The following CFAP57 variants were observed in gnomAD, a reference collection of about 807,000 sequenced individuals.
CFAP57 encodes the protein cilia- and flagella-associated protein 57.
In CFAP57, 116 loss-of-function variants were observed where a neutral mutation model predicts 146.8. That is an observed-to-expected ratio of 0.79 (90% CI 0.68 to 0.92). The LOEUF (loss-of-function observed/expected upper bound fraction) is 0.92, where lower values mean the gene tolerates loss of function less well. Among genes scored for constraint, CFAP57 ranks in the 40% least tolerant of loss-of-function variants. The pLI is 0.00. For synonymous variants in CFAP57, 518 were observed against 552.8 expected (o/e 0.94, Z 0.88); for missense variants, 1,377 against 1,527.2 (o/e 0.90, Z 1.64).
intron 11 of CFAP57, among the ~76,000 whole-genome samples, chr1:43,214,569 G>T (rs1644762398): frequency 6.6e-6 from 1 of 152,166 alleles, no homozygotes; most frequent in South Asian, 2.1e-4. Context: ...AAATAAAGCT[G>T]CTGTGACCAA....
At chr1:43,232,829 GACT>G (rs1645527324) in intron 19 of CFAP57, among the ~76,000 whole-genome samples, 1 of 152,218 alleles carries the variant, frequency 6.6e-6, no homozygotes, top group African/African-American at 2.4e-5. Context: ...ACTATAAAAT[GACT>G]TTGGGTAAGT....
chr1:43,209,807 G>A lies in CFAP57; in HGVS notation c.1820G>A (p.Arg607His), dbSNP rs200705222. The A allele has an allele frequency of 3.3e-4, 531 of 1,614,180 alleles. 1 individual carries two copies. Among genetic ancestry groups the A allele is most frequent in the Non-Finnish European group, 4.2e-4 (490 of 1,180,042 alleles). ...GCCATTGTCATCTCGCATTCTGGAC[G>A]CATGATGTTTGTGGGCACCTCGGTG... Reference protein sequence around the residue: ...YTAIVISHSGRMMFVGTSVGT... With the variant: ...YTAIVISHSGHMMFVGTSVGT... Residue 607 changes from arginine (R) to histidine (H), a missense_variant, in exon 11 of 23, where the codon CGC (arginine) becomes CAC (histidine). Transcript: ENST00000372492.
Position 43,221,428 on chromosome 1 carries a change from C to A in CFAP57, c.2304C>A (p.Asp768Glu). The A allele has an allele frequency of 6.5e-7, 1 of 1,540,528 alleles. No homozygotes were observed. ...TTTATCACCATGAGCACATAGAAGA[C>A]CTCCTAGACAAGCAAAGCCGGGAAC... ...QDVYHHEHIE[D>E]LLDKQSRELQ... Residue 768 changes from aspartate (D) to glutamate (E), a missense_variant, in exon 14 of 23, where the codon GAC becomes GAA. Asp to Glu is a conservative substitution (Grantham distance 45). Coordinates refer to ENST00000372492, the MANE Select transcript of CFAP57 (RefSeq NM_001378189.1).
chr1:43,198,787 G>C, intron 8 of CFAP57, 141 bp downstream of exon 8: 1 of 838,176 alleles, frequency 1.2e-6, no homozygotes, highest in Non-Finnish European at 1.9e-6. Context: ...GGGGAAGGAG[G>C]AAATCCAGTT....
intron 15 of CFAP57, 35 bp downstream of exon 15, chr1:43,222,330 A>G: frequency 2.2e-6 from 3 of 1,389,308 alleles, no homozygotes; most frequent in East Asian, 2.7e-5. Context: ...CCTCCCTTTC[A>G]CAGAGAAAAG....
chr1:43,190,294 G>A (rs1479418261), intron 6 of CFAP57, among the ~76,000 whole-genome samples: 26 of 134,202 alleles, frequency 1.9e-4, no homozygotes, highest in South Asian at 7.4e-4. Flanking sequence ...TTTTTGAGAC[G>A]GAGTCTCGCT....
intron 18 of CFAP57, among the ~76,000 whole-genome samples, chr1:43,229,893 T>TG (rs1164286455): frequency 2.6e-5 from 4 of 152,142 alleles, no homozygotes; most frequent in East Asian, 1.9e-4. Flanking sequence ...AGAGGTCCCC[T>TG]GGGGGGTGCA....
chr1:43,181,102 C>T (rs1056919981), intron 2 of CFAP57, among the ~76,000 whole-genome samples: 1 of 151,952 alleles, frequency 6.6e-6, no homozygotes, highest in African/African-American at 2.4e-5. Flanking sequence ...GGGACAGTCT[C>T]GCTCTGTCTC....
In CFAP57 at chr1:43,172,914, A is replaced by G. The variant is rs1353599265; in HGVS notation, c.157+4A>G. On this transcript the variant is annotated splice_donor_region_variant and intron_variant, in intron 2 of 22. Coordinates refer to ENST00000372492, the MANE Select transcript of CFAP57 (RefSeq NM_001378189.1). ...AAATGGCAAAAATTCATTCCAGGTA[A>G]AACTTTTTCCATCCTGACATATACA... The G allele has an allele frequency of 6.2e-7, 1 of 1,613,478 alleles. No homozygotes were observed. Among genetic ancestry groups the G allele is most frequent in the Non-Finnish European group, 8.5e-7 (1 of 1,179,594 alleles).
chr1:43,202,149 A>G (rs1188576981), intron 9 of CFAP57, among the ~76,000 whole-genome samples: 3 of 152,252 alleles, frequency 2.0e-5, no homozygotes, highest in Non-Finnish European at 4.4e-5. Flanking sequence ...ATACAGATAC[A>G]GGATGCAGCT....
intron 9 of CFAP57, among the ~76,000 whole-genome samples, chr1:43,203,852 T>C (rs1644240207): frequency 6.6e-6 from 1 of 152,252 alleles, no homozygotes; most frequent in African/African-American, 2.4e-5. Context: ...TTGGAGTTTA[T>C]TGTACTTCTT....
intron 9 of CFAP57, 109 bp downstream of exon 9, chr1:43,199,612 T>C (rs1376427870): frequency 3.1e-6 from 3 of 958,334 alleles, no homozygotes; most frequent in Admixed American, 1.8e-5. Context: ...CCTCATGGGT[T>C]CACTGTCTAC....
chr1:43,195,992 T>C (rs1045677842), intron 6 of CFAP57, among the ~76,000 whole-genome samples: 7 of 151,786 alleles, frequency 4.6e-5, no homozygotes, highest in African/African-American at 1.7e-4. Context: ...AAATATGAGA[T>C]AATGTCATCA....
chr1:43,239,377 G>C (rs932997199), intron 21 of CFAP57, among the ~76,000 whole-genome samples: 1 of 152,040 alleles, frequency 6.6e-6, no homozygotes, highest in African/African-American at 2.4e-5. Flanking sequence ...TTGGCAGGGG[G>C]GTCAGGAACA....
chr1:43,221,484 G>T lies in CFAP57; in HGVS notation c.2341+19G>T. On this transcript the variant is annotated intron_variant, in intron 14 of 22. Transcript: ENST00000372492. ...GACATGGGTGAGCCCACAAGTAGAG[G>T]CCTCGTTGGTTAGGGTTGGAAGAGC... The T allele has an allele frequency of 6.8e-7, 1 of 1,480,182 alleles. No individual in the cohort carries two copies. The allele number at this position is 1,480,182 out of a possible 1,614,324, so 91.7% of individuals were successfully genotyped here. A position where few individuals can be genotyped will look rare whatever the true frequency, so the allele number is the denominator to read the frequency against.
At chr1:43,214,047 A>T (rs1446207304) in intron 11 of CFAP57, among the ~76,000 whole-genome samples, 5 of 151,318 alleles carry the variant, frequency 3.3e-5, no homozygotes, top group African/African-American at 1.2e-4. Context: ...CACCACGCCC[A>T]GCTAATTTTT....
chr1:43,207,505 A>G (rs753254421), intron 10 of CFAP57, among the ~76,000 whole-genome samples: 10 of 152,186 alleles, frequency 6.6e-5, no homozygotes, highest in Non-Finnish European at 1.0e-4. Flanking sequence ...GCCTAGGTGT[A>G]TAGTAGGCTG....
In CFAP57 at chr1:43,222,981, G is replaced by A. The variant is rs1469988241; in HGVS notation, c.2690G>A (p.Gly897Asp). 1 of 1,549,390 alleles carries A rather than the reference G, an allele frequency of 6.5e-7. No individual in the cohort carries two copies. Among genetic ancestry groups the A allele is most frequent in the African/African-American group, 1.4e-5 (1 of 73,118 alleles). Residue 897 changes from glycine (G) to aspartate (D), a missense_variant, in exon 16 of 23, where the codon GGC becomes GAC. Coordinates refer to ENST00000372492, the MANE Select transcript of CFAP57 (RefSeq NM_001378189.1). The part of the protein sequence containing the change: ...ESNLRLKGET[G>D]IMRKKFSSLQ... Reference sequence around the variant, plus strand: ...AACCTGCGGCTCAAGGGAGAAACAGGCATCATGAGGAAGAAGGTAGCAGGC... The same window carrying A: ...AACCTGCGGCTCAAGGGAGAAACAGACATCATGAGGAAGAAGGTAGCAGGC...
rs1342787658 is a variant in CFAP57 at position 43,215,435 on chromosome 1, G to A, written c.2091+19G>A. ...AGAAAAGGTAAGAACTGGATCTAAT[G>A]AAGAGGGATATGGAATTACTTACCA... is the stretch of plus-strand genomic sequence containing the variant. On this transcript the variant is annotated intron_variant, in intron 12 of 22. Coordinates refer to ENST00000372492, the MANE Select transcript of CFAP57 (RefSeq NM_001378189.1). 1.9e-6 allele frequency: 3 copies of A among 1,548,210 alleles called. No homozygotes were observed. In the East Asian group the frequency reaches 7.3e-5, roughly 38 times the overall value.
Sources: allele counts gnomAD v4.1 joint callset (sites outside exome capture counted in the v4.1 genomes callset), GRCh38; gene constraint gnomAD v4.1.1; transcripts MANE v1.5; gene names NCBI Gene and HGNC (gene_info 2026-07-23, HGNC 2026-07-21).